The following PPIA variants were observed in gnomAD, a reference collection of about 807,000 sequenced individuals.
The protein encoded by PPIA is peptidylprolyl isomerase A.
PPIA carries 2 observed loss-of-function variants against 15.3 expected under a neutral mutation model. The observed-to-expected ratio is 0.13, with a 90% CI of 0.05 to 0.41. The LOEUF is 0.41. Ranked by LOEUF, PPIA falls within the 10% of genes least tolerant of loss-of-function variation. The pLI, the probability that PPIA is intolerant of heterozygous loss-of-function variation, is 0.99. For synonymous variants in PPIA, 67 were observed against 73.1 expected, an observed-to-expected ratio of 0.92 and a Z score of 0.43; for missense variants, 103 against 210.3, an observed-to-expected ratio of 0.49 and a Z score of 3.16.
intron 1 of PPIA, among the ~76,000 whole-genome samples, chr7:44,797,265 C>T (rs541555586): frequency 6.6e-6 from 1 of 152,322 alleles, no homozygotes; most frequent in African/African-American, 2.4e-5. Context: ...AAGCTGTTTG[C>T]TTGAGGGTTT....
chr7:44,796,875 G>C, intron 1 of PPIA, 82 bp downstream of exon 1: 4 of 1,442,206 alleles, frequency 2.8e-6, no homozygotes, highest in Non-Finnish European at 3.7e-6. Context: ...CAAAGGCCCG[G>C]GCGCGGGGCG....
At position 44,801,513 on chromosome 7, in the gene PPIA, A is replaced by G. The variant is rs1792561094; in HGVS notation, c.*91A>G. The stretch of plus-strand genomic sequence containing the variant: ...ACCCCATTTGCTCGCAGTATCCTAG[A>G]ATCTTTGTGCTCTCGCTGCAGTTCC... On this transcript the variant is annotated 3_prime_UTR_variant, in exon 5 of 5. Coordinates refer to ENST00000468812, the MANE Select transcript of PPIA (RefSeq NM_021130.5). 3.1e-5 allele frequency: 27 copies of G among 874,686 alleles called. No homozygotes were observed. The South Asian group carries it at 4.2e-4, about 14-fold the overall frequency. The allele number at this position is 874,686 out of a possible 1,614,324, so 54.2% of individuals were successfully genotyped here.
rs1168641342 is a variant in PPIA, at chr7:44,800,431, C to G, written c.362+557C>G. On this transcript the variant is annotated intron_variant, in intron 4 of 4. Coordinates refer to ENST00000468812, the MANE Select transcript of PPIA (RefSeq NM_021130.5). Reference sequence around the variant, plus strand: ...TTTTTTTTCTTTTCTCAGACTGGATCTCGCTCTTATCTCCCAGGTTGGAGT... The same window carrying G: ...TTTTTTTTCTTTTCTCAGACTGGATGTCGCTCTTATCTCCCAGGTTGGAGT... 11 of 131,398 alleles carry G rather than the reference C, an allele frequency of 8.4e-5. No homozygotes were observed. The Admixed American group carries it at 9.4e-4, about 11-fold the overall frequency. 8.1% of individuals were successfully genotyped at this position (131,398 alleles called of 1,614,324 possible).
At chr7:44,799,044 T>C in intron 1 of PPIA, 1 of 1,127,780 alleles carries the variant, frequency 8.9e-7, no homozygotes, top group Non-Finnish European at 1.2e-6. Flanking sequence ...TATTGGATTT[T>C]TGGCATGTCT....
Position 44,802,907 on chromosome 7 carries a change from G to T in PPIA, c.*1485G>T, listed in dbSNP as rs888834647. Reference sequence around the variant, plus strand: ...AGCAATCAAGTTTGCCTATCCTAGAGGTGGCGGATTTGATCATTTGGTGTG... The same window carrying T: ...AGCAATCAAGTTTGCCTATCCTAGATGTGGCGGATTTGATCATTTGGTGTG... On this transcript the variant is annotated 3_prime_UTR_variant, in exon 5 of 5. Coordinates refer to ENST00000468812, the MANE Select transcript of PPIA (RefSeq NM_021130.5). 1 of 152,188 alleles carries T rather than the reference G, an allele frequency of 6.6e-6. No individual in the cohort carries two copies. Among genetic ancestry groups the T allele is most frequent in the African/African-American group, 2.4e-5 (1 of 41,446 alleles). 9.4% of individuals were successfully genotyped at this position (152,188 alleles called of 1,614,324 possible). A position where few individuals can be genotyped will look rare whatever the true frequency, so the allele number is the denominator to read the frequency against.
rs142406481 is a variant in PPIA, at chr7:44,799,264, C to T, written c.87C>T (p.Val29=). The T allele has an allele frequency of 2.0e-4, 326 of 1,613,812 alleles. 3 individuals carry two copies. The East Asian group carries it at 5.1e-3, about 25-fold the overall frequency. ...RVSFELFADK[V]PKTAENFRAL... ...TCTTACAGCTGTTTGCAGACAAGGT[C>T]CCAAAGACAGCAGGTTGGTCCATTT... Residue 29 remains valine, a synonymous_variant, in exon 2 of 5, where the codon GTC becomes GTT. Transcript: ENST00000468812.
intron 1 of PPIA, chr7:44,798,929 G>A: frequency 2.7e-6 from 3 of 1,100,524 alleles, no homozygotes; most frequent in Non-Finnish European, 3.3e-6. Flanking sequence ...AAGTTGGGGG[G>A]TGGTGATAGA....
In PPIA at chr7:44,797,281, A is replaced by G. The variant is rs1327486450; in HGVS notation, c.69+488A>G. On this transcript the variant is annotated intron_variant, in intron 1 of 4. Coordinates refer to ENST00000468812, the MANE Select transcript of PPIA (RefSeq NM_021130.5). ...AGCTGTTTGCTTGAGGGTTTTTCTC[A>G]AGGATCGAGGCGCGGTGTGAGCCCG... is the stretch of plus-strand genomic sequence containing the variant. Among the ~76,000 whole-genome samples the G allele has an allele frequency of 3.3e-5, 5 of 152,266 alleles. No individual in the cohort carries two copies. The East Asian group carries it at 9.7e-4, about 29-fold the overall frequency.
chr7:44,798,135 A>G (rs1418980366), intron 1 of PPIA: 1 of 152,256 alleles, frequency 6.6e-6, no homozygotes, highest in Admixed American at 6.5e-5. Flanking sequence ...ACTGCCAATG[A>G]GGGCTTTGGC....
chr7:44,801,018 C>T (rs1400605165), intron 4 of PPIA, among the ~76,000 whole-genome samples: 16 of 151,770 alleles, frequency 1.1e-4, no homozygotes, highest in South Asian at 4.2e-4. Context: ...AGGGTTTCAC[C>T]GTGTTAGCCA....
intron 1 of PPIA, chr7:44,798,722 ATCT>A: frequency 1.0e-6 from 1 of 984,914 alleles, no homozygotes; most frequent in Non-Finnish European, 1.2e-6. Context: ...CTAGAAACCA[ATCT>A]TTATTTTTTA....
At position 44,801,674 on chromosome 7, in the gene PPIA, G is replaced by T; in HGVS notation, c.*252G>T. 2 of 384,166 alleles carry T rather than the reference G, an allele frequency of 5.2e-6. No individual in the cohort carries two copies. Among genetic ancestry groups the T allele is most frequent in the South Asian group, 2.9e-5 (1 of 34,886 alleles). 23.8% of individuals were successfully genotyped at this position (384,166 alleles called of 1,614,324 possible). On this transcript the variant is annotated 3_prime_UTR_variant, in exon 5 of 5. Transcript: ENST00000468812. Reference sequence around the variant, plus strand: ...AGTGTTGATGTAGGCTTTATTTTAAGCAGTAATGGGTTACTTCTGAAACAT... The same window carrying T: ...AGTGTTGATGTAGGCTTTATTTTAATCAGTAATGGGTTACTTCTGAAACAT...
intron 3 of PPIA, 48 bp from the exon 4 acceptor site, chr7:44,799,654 C>G (rs199872473): frequency 6.2e-7 from 1 of 1,611,192 alleles, no homozygotes; most frequent in East Asian, 2.2e-5. Context: ...ATTTGGCACA[C>G]TTCATGGTTA....
Position 44,799,785 on chromosome 7 carries a change from G to T in PPIA, c.273G>T (p.Lys91Asn). 1 of 1,613,970 alleles carries T rather than the reference G, an allele frequency of 6.2e-7. No individual in the cohort carries two copies. Among genetic ancestry groups the T allele is most frequent in the Non-Finnish European group, 8.5e-7 (1 of 1,179,976 alleles). Residue 91 changes from lysine (K) to asparagine (N), a missense_variant, in exon 4 of 5, where the codon AAG becomes AAT. Physicochemically the swap from Lys to Asn is moderately conservative, Grantham distance 94. Transcript: ENST00000468812. ...TTGAAGATGAGAACTTCATCCTAAA[G>T]CATACGGGTCCTGGCATCTTGTCCA... is the stretch of plus-strand genomic sequence containing the variant. ...EKFEDENFIL[K>N]HTGPGILSMA...
rs1792572675 is a variant in PPIA at position 44,801,864 on chromosome 7, G to C, written c.*442G>C. ...TGAGGCAGAAGACCACCTGAGGGTA[G>C]GAGTCAAGATCAGCCTGGGCAACAT... On this transcript the variant is annotated 3_prime_UTR_variant, in exon 5 of 5. Transcript: ENST00000468812. The C allele has an allele frequency of 5.8e-6, 1 of 172,212 alleles. No homozygotes were observed. The highest frequency in any genetic ancestry group is 5.9e-5 in the Admixed American group (1 of 17,092). The allele number at this position is 172,212 out of a possible 1,614,324, so 10.7% of individuals were successfully genotyped here.
rs1418336844 is a variant in PPIA at position 44,799,214 on chromosome 7, C to G, written c.70-33C>G. 4 of 1,608,786 alleles carry G rather than the reference C, an allele frequency of 2.5e-6. No homozygotes were observed. The South Asian group carries it at 4.4e-5, about 18-fold the overall frequency. The stretch of plus-strand genomic sequence containing the variant: ...CATGGGTACTAAGCAACAAAATAAG[C>G]AGATGTTAATTAACTGTAATTTTCT... On this transcript the variant is annotated intron_variant, in intron 1 of 4. Coordinates refer to ENST00000468812, the MANE Select transcript of PPIA (RefSeq NM_021130.5).
At chr7:44,800,130 C>A in intron 4 of PPIA, 1 of 478,514 alleles carries the variant, frequency 2.1e-6, no homozygotes, top group Non-Finnish European at 3.8e-6. Flanking sequence ...TGCTCTGTTG[C>A]CAGGTTGGAG....
In PPIA at chr7:44,799,376, AT is replaced by A. The variant is rs772517982; in HGVS notation, c.101-7del. The A allele has an allele frequency of 8.7e-6, 14 of 1,606,922 alleles. No homozygotes were observed. Among genetic ancestry groups the A allele is most frequent in the Admixed American group, 3.4e-5 (2 of 59,428 alleles). ...TTTTATGTATGTATATATGTGTTTA[AT>A]TTTTTTTTAAACAGAAAATTTTCGT... is the stretch of plus-strand genomic sequence containing the variant. On this transcript the variant is annotated splice_polypyrimidine_tract_variant and intron_variant, in intron 2 of 4. Coordinates refer to ENST00000468812, the MANE Select transcript of PPIA (RefSeq NM_021130.5).
At chr7:44,799,139 A>G (rs1239299070) in intron 1 of PPIA, 108 bp from the exon 2 acceptor site, 1 of 1,299,806 alleles carries the variant, frequency 7.7e-7, no homozygotes, top group Non-Finnish European at 1.1e-6. Flanking sequence ...TAATTACTGA[A>G]GAAGTATTCT....
Sources: gnomAD v4.1 joint callset for allele counts (sites outside exome capture counted in the v4.1 genomes callset) on GRCh38, gnomAD v4.1.1 for gene constraint, MANE v1.5 for transcripts, NCBI Gene and HGNC (gene_info 2026-07-23, HGNC 2026-07-21) for gene names.